Variants in TFPI observed in about 807,000 individuals in gnomAD.
The protein encoded by TFPI is anti-convertin.
A neutral mutation model predicts 34.6 loss-of-function variants in TFPI; 15 were observed. That is an observed-to-expected ratio of 0.43 (90% CI 0.29 to 0.67). The LOEUF (loss-of-function observed/expected upper bound fraction) is 0.67, where lower values mean the gene tolerates loss of function less well. Ranked by LOEUF, TFPI falls within the 30% of genes least tolerant of loss-of-function variation. TFPI has a pLI of 0.15. For missense variants in TFPI, 301 were observed against 364.0 expected (o/e 0.83, Z 1.41); for synonymous variants, 105 against 120.1 (o/e 0.87, Z 0.82).
At chr2:187,498,559 T>C (rs1685641599) in intron 2 of TFPI, among the ~76,000 whole-genome samples, 1 of 151,916 alleles carries the variant, frequency 6.6e-6, no homozygotes, top group Non-Finnish European at 1.5e-5. Context: ...GGCATTTTCA[T>C]GCTGTTTGAT....
chr2:187,501,451 C>T (rs767248341), intron 2 of TFPI, among the ~76,000 whole-genome samples: 9 of 152,070 alleles, frequency 5.9e-5, no homozygotes, highest in Non-Finnish European at 8.8e-5. Flanking sequence ...TCTAAGAATC[C>T]ACATGCTGCT....
At chr2:187,527,262 T>C (rs753927114) in intron 1 of TFPI, 3 of 152,224 alleles carry the variant, frequency 2.0e-5, no homozygotes, top group Non-Finnish European at 4.4e-5. Context: ...TATTCTCAAT[T>C]GTAAATCCAC....
chr2:187,486,351 C>G (rs1412877491), intron 4 of TFPI, among the ~76,000 whole-genome samples: 2 of 151,264 alleles, frequency 1.3e-5, no homozygotes, highest in African/African-American at 4.8e-5. Flanking sequence ...ACAGAGGATA[C>G]AAGAACTTTA....
chr2:187,526,401 G>A (rs1687678257), intron 1 of TFPI, among the ~76,000 whole-genome samples: 1 of 151,936 alleles, frequency 6.6e-6, no homozygotes, highest in Non-Finnish European at 1.5e-5. Context: ...GGCTTTGGTG[G>A]CCAGAAGAAA....
At chr2:187,475,073 T>G (rs1456026454) in intron 6 of TFPI, among the ~76,000 whole-genome samples, 1 of 152,158 alleles carries the variant, frequency 6.6e-6, no homozygotes, top group African/African-American at 2.4e-5. Context: ...AGTCACCTAT[T>G]TATTTATCTT....
At chr2:187,508,683 A>C (rs1686401784) in intron 1 of TFPI, among the ~76,000 whole-genome samples, 1 of 152,228 alleles carries the variant, frequency 6.6e-6, no homozygotes, top group East Asian at 1.9e-4. Context: ...TTATCAGCTT[A>C]AGGAGATTTG....
chr2:187,527,494 A>G (rs1461540820), intron 1 of TFPI, among the ~76,000 whole-genome samples: 1 of 152,176 alleles, frequency 6.6e-6, no homozygotes, highest in Non-Finnish European at 1.5e-5. Flanking sequence ...GTGTGACTGC[A>G]CATTTGCCAC....
intron 1 of TFPI, among the ~76,000 whole-genome samples, chr2:187,535,375 T>C (rs1051899852): frequency 2.6e-5 from 4 of 151,080 alleles, no homozygotes; most frequent in Non-Finnish European, 5.9e-5. Flanking sequence ...GAACGGAAAT[T>C]ATAACAGTCT....
intron 1 of TFPI, among the ~76,000 whole-genome samples, chr2:187,511,765 A>G (rs1051135513): frequency 2.6e-5 from 4 of 152,058 alleles, no homozygotes; most frequent in African/African-American, 9.7e-5. Flanking sequence ...TCCGCCTCAC[A>G]GTGGTTGAGA....
At chr2:187,506,655 G>C (rs1686239515) in intron 1 of TFPI, among the ~76,000 whole-genome samples, 1 of 151,934 alleles carries the variant, frequency 6.6e-6, no homozygotes, top group Non-Finnish European at 1.5e-5. Context: ...GAATAATACT[G>C]GTCAGGTATT....
intron 1 of TFPI, among the ~76,000 whole-genome samples, chr2:187,548,866 C>T (rs1050438426): frequency 4.6e-5 from 7 of 151,950 alleles, no homozygotes; most frequent in Non-Finnish European, 1.0e-4. Context: ...AACATCTTTC[C>T]TCATTTGGCA....
At chr2:187,479,519 A>G (rs1377071244) in intron 6 of TFPI, among the ~76,000 whole-genome samples, 2 of 132,742 alleles carry the variant, frequency 1.5e-5, no homozygotes, top group South Asian at 2.6e-4. Context: ...CTATTAGTTT[A>G]TGCTTATTTT....
At chr2:187,517,657 C>T (rs1287589578) in intron 1 of TFPI, 2 of 152,112 alleles carry the variant, frequency 1.3e-5, no homozygotes, top group African/African-American at 4.8e-5. Context: ...CCTGTTAGAT[C>T]CACTCGGTCC....
At chr2:187,495,709 A>G (rs1380656660) in intron 3 of TFPI, among the ~76,000 whole-genome samples, 2 of 152,170 alleles carry the variant, frequency 1.3e-5, no homozygotes, top group Non-Finnish European at 2.9e-5. Context: ...AGTAAAAGCT[A>G]TTTAGAAAGC....
intron 1 of TFPI, chr2:187,519,287 T>C (rs1163236153): frequency 1.3e-5 from 2 of 154,260 alleles, no homozygotes; most frequent in African/African-American, 4.8e-5. Flanking sequence ...TACCTACCTT[T>C]GGTCTTTGAT....
chr2:187,492,081 T>C (rs998834685), intron 3 of TFPI, among the ~76,000 whole-genome samples: 1 of 152,302 alleles, frequency 6.6e-6, no homozygotes, highest in South Asian at 2.1e-4. Flanking sequence ...GAGTTACATG[T>C]ACATTTTAGA....
At chr2:187,520,240 C>T (rs990418992) in intron 1 of TFPI, among the ~76,000 whole-genome samples, 19 of 152,186 alleles carry the variant, frequency 1.2e-4, no homozygotes, top group Non-Finnish European at 2.5e-4. Flanking sequence ...CAAATGGCTT[C>T]CTGTTTTGTG....
Position 187,465,458 on chromosome 2 carries a change from C to T in TFPI, c.*1478G>A, listed in dbSNP as rs1429123102. ...CCAGCCTGGGTGACAGAGTGGGACCCTGTCTAAAAAAACATAACAAAACAA... is the reference window on the plus strand; with the variant it reads ...CCAGCCTGGGTGACAGAGTGGGACCTTGTCTAAAAAAACATAACAAAACAA... On this transcript the variant is annotated 3_prime_UTR_variant, in exon 8 of 8. Transcript: ENST00000233156. 1.8e-5 allele frequency: 2 copies of T among 110,290 alleles called. No homozygotes were observed. The highest frequency in any genetic ancestry group is 6.0e-5 in the African/African-American group (2 of 33,176). The allele number at this position is 110,290 out of a possible 1,614,324, so 6.8% of individuals were successfully genotyped here.
At chr2:187,515,833 T>C (rs1235885275) in intron 1 of TFPI, 1 of 152,166 alleles carries the variant, frequency 6.6e-6, no homozygotes, top group Non-Finnish European at 1.5e-5. Flanking sequence ...GCCCTGGAAG[T>C]GACCAGCCTG....
Sources: allele counts gnomAD v4.1 joint callset (sites outside exome capture counted in the v4.1 genomes callset), GRCh38; gene constraint gnomAD v4.1.1; transcripts MANE v1.5; gene names NCBI Gene and HGNC (gene_info 2026-07-23, HGNC 2026-07-21).